The following DCPH1 variants were observed in gnomAD, a reference collection of about 807,000 sequenced individuals.
DCPH1 encodes damage control phosphatase 1.
chr6:151,453,333 G>A, the DCPH1 span, among the ~76,000 whole-genome samples: 2 of 152,106 alleles, frequency 1.3e-5, no homozygotes. Context: ...TAGTAGTTAG[G>A]AAAACAGTAA....
chr6:151,469,369 A>G, the DCPH1 span: 1 of 354,060 alleles, frequency 2.8e-6, no homozygotes, highest in East Asian at 4.7e-5. Context: ...TTTTCAGGTT[A>G]AATATATAAT....
At chr6:151,460,674 C>G in the DCPH1 span, among the ~76,000 whole-genome samples, 4 of 151,886 alleles carry the variant, frequency 2.6e-5, no homozygotes, top group African/African-American at 9.7e-5. Context: ...GTCCCAGCTA[C>G]TCAGGAGGCT....
chr6:151,468,435 A>G, the DCPH1 span: 5 of 1,611,730 alleles, frequency 3.1e-6, no homozygotes, highest in Admixed American at 6.7e-5. Context: ...TGGAAGACCT[A>G]AAACCTTTCA....
At chr6:151,464,732 C>A in the DCPH1 span, 1 of 664,656 alleles carries the variant, frequency 1.5e-6, no homozygotes, top group Non-Finnish European at 2.3e-6. Flanking sequence ...GATTTTTTAT[C>A]TAGTGGTGTT....
At chr6:151,468,365 G>A in the DCPH1 span, 1 of 1,555,886 alleles carries the variant, frequency 6.4e-7, no homozygotes, top group Non-Finnish European at 8.6e-7. Flanking sequence ...GGAAATAAGT[G>A]TGATCTGTCT....
the DCPH1 span, among the ~76,000 whole-genome samples, chr6:151,461,835 G>A: frequency 6.6e-6 from 1 of 152,330 alleles, no homozygotes; most frequent in East Asian, 1.9e-4. Flanking sequence ...GAGGGAACAT[G>A]CATCTTTAAG....
At chr6:151,466,914 G>T in the DCPH1 span, among the ~76,000 whole-genome samples, 1 of 151,972 alleles carries the variant, frequency 6.6e-6, no homozygotes, top group African/African-American at 2.4e-5. Context: ...TATTATTTAA[G>T]CCTTTTTTTT....
the DCPH1 span, chr6:151,464,317 G>T: frequency 1.9e-6 from 1 of 533,944 alleles, no homozygotes; most frequent in East Asian, 3.4e-5. Flanking sequence ...AGTTTTTCTA[G>T]TTAATTAGAT....
the DCPH1 span, chr6:151,468,576 A>G: frequency 1.2e-6 from 2 of 1,614,134 alleles, no homozygotes; most frequent in Non-Finnish European, 1.7e-6. Flanking sequence ...CAGATTTAAT[A>G]TTAGCCGACT....
chr6:151,464,508 G>C, the DCPH1 span: 7 of 1,609,986 alleles, frequency 4.3e-6, no homozygotes, highest in Middle Eastern at 1.6e-4. Context: ...AAATTTCTAT[G>C]GGTCACAGGA....
At chr6:151,458,622 T>C in the DCPH1 span, 45 of 1,460,548 alleles carry the variant, frequency 3.1e-5, no homozygotes, top group African/African-American at 6.1e-4. Context: ...TTATACTTTT[T>C]CTGAAATTGT....
chr6:151,462,753 A>G, the DCPH1 span, among the ~76,000 whole-genome samples: 22 of 152,356 alleles, frequency 1.4e-4, no homozygotes, highest in East Asian at 7.7e-4. Flanking sequence ...TAGATTCTAA[A>G]ATAGAAAACA....
At chr6:151,469,246 C>T in the DCPH1 span, 20 of 627,414 alleles carry the variant, frequency 3.2e-5, no homozygotes, top group East Asian at 4.3e-4. Flanking sequence ...TGCCCATCTA[C>T]GTGCACTGGA....
the DCPH1 span, chr6:151,469,020 G>T: frequency 2.5e-6 from 4 of 1,614,054 alleles, no homozygotes; most frequent in East Asian, 8.9e-5. Flanking sequence ...TTGGTCTGCA[G>T]CCTGGGCAAG....
the DCPH1 span, among the ~76,000 whole-genome samples, chr6:151,461,388 AG>A: frequency 0.13 from 19,750 of 152,240 alleles, 1,592 homozygotes; most frequent in East Asian, 0.38. Flanking sequence ...GCGTATTTTT[AG>A]GCCAGGCACA....
chr6:151,461,874 C>G, the DCPH1 span, among the ~76,000 whole-genome samples: 1 of 152,096 alleles, frequency 6.6e-6, no homozygotes, highest in Non-Finnish European at 1.5e-5. Context: ...TGCACAATCA[C>G]GGATGTAGAA....
At chr6:151,464,688 A>G in the DCPH1 span, 1 of 971,064 alleles carries the variant, frequency 1.0e-6, no homozygotes, top group Non-Finnish European at 1.4e-6. Context: ...ACAGTTAACA[A>G]AACATGTAAA....
chr6:151,457,370 C>G, the DCPH1 span, among the ~76,000 whole-genome samples: 1 of 152,154 alleles, frequency 6.6e-6, no homozygotes, highest in African/African-American at 2.4e-5. Flanking sequence ...AATCCATTAG[C>G]CTTTTTAGGT....
chr6:151,469,869 T>G, the DCPH1 span: 3 of 152,234 alleles, frequency 2.0e-5, no homozygotes, highest in Admixed American at 1.3e-4. Context: ...TATCAGATTT[T>G]TAGTTTGCAG....
Sources: gnomAD v4.1 joint callset for allele counts (sites outside exome capture counted in the v4.1 genomes callset) on GRCh38, gnomAD v4.1.1 for gene constraint, MANE v1.5 for transcripts, NCBI Gene and HGNC (gene_info 2026-07-23, HGNC 2026-07-21) for gene names.